STK3: variants seen among roughly 807,000 people sequenced by gnomAD.
STK3 encodes serine/threonine-protein kinase 3.
In STK3, 41 loss-of-function variants were observed where a neutral mutation model predicts 58.0. That is an observed-to-expected ratio of 0.71 (90% CI 0.55 to 0.92). STK3 has a LOEUF of 0.92. Ranked by LOEUF, STK3 falls within the 40% of genes least tolerant of loss-of-function variation. The pLI, the probability that STK3 is intolerant of heterozygous loss-of-function variation, is 0.00. For missense variants in STK3, 479 were observed against 602.7 expected (o/e 0.79, Z 2.15); for synonymous variants, 170 against 191.0 (o/e 0.89, Z 0.91).
At chr8:98,901,515 T>C (rs1250015106) in intron 1 of STK3, among the ~76,000 whole-genome samples, 2 of 152,252 alleles carry the variant, frequency 1.3e-5, no homozygotes, top group African/African-American at 4.8e-5. Context: ...GCTCTCTGAC[T>C]GCACACCACA....
the STK3 span, among the ~76,000 whole-genome samples, chr8:98,344,608 C>T: frequency 1.3e-5 from 2 of 149,654 alleles, no homozygotes; most frequent in South Asian, 2.1e-4. Context: ...AATATGGGAC[C>T]CTCGGCCGGG....
intron 1 of STK3, among the ~76,000 whole-genome samples, chr8:98,894,638 C>T (rs1240314391): frequency 6.6e-6 from 1 of 152,312 alleles, no homozygotes; most frequent in East Asian, 1.9e-4. Flanking sequence ...AGAATGTAAG[C>T]ACCACTGAAG....
At chr8:98,754,274 T>C (rs1830155355) in intron 3 of STK3, among the ~76,000 whole-genome samples, 1 of 152,142 alleles carries the variant, frequency 6.6e-6, no homozygotes, top group East Asian at 1.9e-4. Flanking sequence ...AAAAATTCTT[T>C]ACATGTACTC....
chr8:98,440,060 G>C (rs1284165336), intron 1 of STK3, among the ~76,000 whole-genome samples: 1 of 152,222 alleles, frequency 6.6e-6, no homozygotes, highest in East Asian at 1.9e-4. Context: ...CTGGGGGCAG[G>C]ACCAGGGATA....
At chr8:98,574,781 G>T (rs770144252) in intron 8 of STK3, among the ~76,000 whole-genome samples, 1 of 152,122 alleles carries the variant, frequency 6.6e-6, no homozygotes, top group Non-Finnish European at 1.5e-5. Context: ...GAAAAAGGAA[G>T]AACTCAGTGG....
intron 6 of STK3, among the ~76,000 whole-genome samples, chr8:98,599,925 G>A (rs147918153): frequency 1.4e-4 from 22 of 152,146 alleles, no homozygotes; most frequent in Admixed American, 2.6e-4. Context: ...CCAAGATCAC[G>A]CCATTGCACT....
chr8:98,547,237 G>A (rs1810770562), intron 9 of STK3, among the ~76,000 whole-genome samples: 2 of 152,168 alleles, frequency 1.3e-5, no homozygotes, highest in Non-Finnish European at 2.9e-5. Context: ...AAAAAGGTCA[G>A]TTGGTGCTAA....
intron 3 of STK3, 75 bp downstream of exon 3, chr8:98,767,168 G>A: frequency 7.1e-7 from 1 of 1,410,586 alleles, no homozygotes; most frequent in Non-Finnish European, 9.4e-7. Flanking sequence ...GATGATCAAA[G>A]AATAAATTTT....
chr8:98,408,084 G>A (rs1273475703), intron 3 of STK3, among the ~76,000 whole-genome samples: 3 of 152,140 alleles, frequency 2.0e-5, no homozygotes, highest in Admixed American at 2.0e-4. Flanking sequence ...CAGCTCCCCT[G>A]AGCTTCCACA....
At chr8:98,713,432 T>C (rs1803467898) in intron 4 of STK3, among the ~76,000 whole-genome samples, 1 of 152,050 alleles carries the variant, frequency 6.6e-6, no homozygotes, top group Non-Finnish European at 1.5e-5. Flanking sequence ...AATAAAAAAA[T>C]GATAAAGGTG....
At chr8:98,624,658 G>A (rs1818576979) in intron 6 of STK3, among the ~76,000 whole-genome samples, 1 of 152,106 alleles carries the variant, frequency 6.6e-6, no homozygotes, top group Admixed American at 6.5e-5. Flanking sequence ...TTCGAGACTA[G>A]CCTGGGCAAC....
At chr8:98,612,349 G>A (rs1365741971) in intron 6 of STK3, among the ~76,000 whole-genome samples, 1 of 149,856 alleles carries the variant, frequency 6.7e-6, no homozygotes, top group Non-Finnish European at 1.5e-5. Context: ...TTGAAACCAG[G>A]AATTCAAGAC....
At chr8:98,790,389 C>A (rs116937976) in intron 1 of STK3, among the ~76,000 whole-genome samples, 1 of 152,304 alleles carries the variant, frequency 6.6e-6, no homozygotes, top group Non-Finnish European at 1.5e-5. Flanking sequence ...TGTGATGATA[C>A]ACCACGTAAA....
intron 10 of STK3, among the ~76,000 whole-genome samples, chr8:98,485,174 G>A (rs1822151350): frequency 6.6e-6 from 1 of 152,092 alleles, no homozygotes; most frequent in Non-Finnish European, 1.5e-5. Context: ...CCAGGAGGCA[G>A]AGGTTGCAGT....
chr8:98,766,397 T>A (rs572630021), intron 3 of STK3, among the ~76,000 whole-genome samples: 1 of 152,328 alleles, frequency 6.6e-6, no homozygotes, highest in East Asian at 1.9e-4. Flanking sequence ...TAATACAGAC[T>A]GTTAAATGAC....
intron 6 of STK3, among the ~76,000 whole-genome samples, chr8:98,690,194 A>G (rs1221014375): frequency 2.0e-5 from 3 of 152,182 alleles, no homozygotes; most frequent in Admixed American, 2.0e-4. Flanking sequence ...CCCTAGCCAG[A>G]GCAATAAGGC....
intron 3 of STK3, among the ~76,000 whole-genome samples, chr8:98,843,809 A>C (rs1373509341): frequency 6.6e-6 from 1 of 152,182 alleles, no homozygotes; most frequent in African/African-American, 2.4e-5. Flanking sequence ...TTGAGGTTAG[A>C]AGTTCAAGAA....
chr8:98,554,214 C>T (rs750246487), intron 8 of STK3, among the ~76,000 whole-genome samples: 5 of 152,166 alleles, frequency 3.3e-5, no homozygotes, highest in Non-Finnish European at 7.4e-5. Flanking sequence ...TTTCATTTTC[C>T]GAAGTAAAGA....
rs1035976020 is a variant in STK3 at position 98,628,060 on chromosome 8, T to C, written c.685-31891A>G. Among the ~76,000 whole-genome samples the C allele has an allele frequency of 2.0e-5, 3 of 152,344 alleles. No individual in the cohort carries two copies. In the South Asian group the frequency reaches 6.2e-4, roughly 32 times the overall value. On this transcript the variant is annotated intron_variant, in intron 6 of 10. Coordinates refer to ENST00000419617, the MANE Select transcript of STK3 (RefSeq NM_006281.4). Reference sequence around the variant, plus strand: ...CAACAAACATGTAACCTAATTCTCCTGTCTCTAGTTTCTCCTTTAATATCT... The same window carrying C: ...CAACAAACATGTAACCTAATTCTCCCGTCTCTAGTTTCTCCTTTAATATCT...
Sources: gnomAD v4.1 joint callset for allele counts (sites outside exome capture counted in the v4.1 genomes callset) on GRCh38, gnomAD v4.1.1 for gene constraint, MANE v1.5 for transcripts, NCBI Gene and HGNC (gene_info 2026-07-23, HGNC 2026-07-21) for gene names.